Variants in N4BP2L2 observed in about 807,000 individuals in gnomAD.
N4BP2L2 encodes the protein NEDD4-binding protein 2-like 2.
Under a neutral mutation model 56.2 loss-of-function variants are expected in N4BP2L2, and 50 were observed. The observed-to-expected ratio is 0.89, with a 90% confidence interval of 0.71 to 1.13. The LOEUF is 1.13. N4BP2L2 is among the 50% of genes most tolerant of loss of function. The probability of loss-of-function intolerance (pLI) is 0.00; values close to 1 mark genes in which losing one functional copy is unlikely to be tolerated. For missense variants in N4BP2L2, 689 were observed against 693.8 expected, an observed-to-expected ratio of 0.99 and a Z score of 0.08; for synonymous variants, 203 against 223.6, an observed-to-expected ratio of 0.91 and a Z score of 0.82.
intron 5 of N4BP2L2, among the ~76,000 whole-genome samples, chr13:32,520,235 C>G (rs947020981): frequency 3.3e-5 from 5 of 151,616 alleles, no homozygotes; most frequent in Admixed American, 1.3e-4. Flanking sequence ...TGTGAATATA[C>G]AGAAAAACAC....
At chr13:32,507,698 C>T (rs1464277622), downstream of N4BP2L2, 1 of 152,002 alleles carries the variant, frequency 6.6e-6, no homozygotes, top group Non-Finnish European at 1.5e-5. Context: ...TCAAAGAGGC[C>T]AGTATAGATG....
chr13:32,512,382 G>A (rs558933108), exon 6 of N4BP2L2: 2 of 152,270 alleles, frequency 1.3e-5, no homozygotes, highest in South Asian at 4.1e-4. Flanking sequence ...GGATCAGACT[G>A]TGCCTGTGTC....
At chr13:32,477,608 T>A (rs1309778125) in intron 6 of N4BP2L2, 2 of 310,550 alleles carry the variant, frequency 6.4e-6, no homozygotes, top group Middle Eastern at 2.4e-3. Flanking sequence ...CAACGCCTAA[T>A]CTGGATGGAG....
exon 6 of N4BP2L2, chr13:32,515,998 A>G (rs2049131040): frequency 6.6e-6 from 1 of 152,318 alleles, no homozygotes; most frequent in Non-Finnish European, 1.5e-5. Flanking sequence ...TCGGCCTCCC[A>G]AAGTGCTGGG....
At chr13:32,505,540 T>C (rs1354415262), downstream of N4BP2L2, 1 of 152,252 alleles carries the variant, frequency 6.6e-6, no homozygotes, top group Non-Finnish European at 1.5e-5. Context: ...TCTTGCATCT[T>C]ACTTTAAGCA....
chr13:32,468,430 A>C (rs1405114019), intron 6 of N4BP2L2, among the ~76,000 whole-genome samples: 1 of 152,252 alleles, frequency 6.6e-6, no homozygotes, highest in Non-Finnish European at 1.5e-5. Context: ...GCAGCCAAAG[A>C]GTTGATACTC....
chr13:32,434,258 T>TC (rs1342454024), intron 9 of N4BP2L2, among the ~76,000 whole-genome samples: 2 of 145,144 alleles, frequency 1.4e-5, no homozygotes, highest in Non-Finnish European at 3.0e-5. Flanking sequence ...CTTTTTTTCT[T>TC]TTTTTTTTTT....
At chr13:32,459,467 T>A (rs1292131999) in intron 6 of N4BP2L2, among the ~76,000 whole-genome samples, 1 of 151,162 alleles carries the variant, frequency 6.6e-6, no homozygotes, top group Admixed American at 6.6e-5. Context: ...CCACCAGAAA[T>A]ACAAAAGATC....
chr13:32,518,145 T>A, intron 5 of N4BP2L2, 142 bp from the exon 6 acceptor site: 1 of 774,682 alleles, frequency 1.3e-6, no homozygotes, highest in Non-Finnish European at 1.9e-6. Context: ...ACATTTTATG[T>A]AAAAAGACTT....
chr13:32,517,771 A>G (rs1364356269), exon 6 of N4BP2L2: 2 of 1,606,736 alleles, frequency 1.2e-6, no homozygotes, highest in African/African-American at 2.7e-5. Context: ...TTCAAGTGCA[A>G]CAACAAATGT....
At chr13:32,459,704 G>A (rs753395612) in intron 6 of N4BP2L2, among the ~76,000 whole-genome samples, 11 of 152,004 alleles carry the variant, frequency 7.2e-5, no homozygotes, top group African/African-American at 1.4e-4. Flanking sequence ...AACTTATAAC[G>A]AACATCCTAT....
intron 6 of N4BP2L2, among the ~76,000 whole-genome samples, chr13:32,467,682 C>T (rs925770135): frequency 2.6e-5 from 4 of 151,210 alleles, no homozygotes; most frequent in African/African-American, 4.9e-5. Context: ...TGTTTGAGGG[C>T]TATAGTAAAT....
At chr13:32,529,502 G>C (rs543816766) in intron 2 of N4BP2L2, among the ~76,000 whole-genome samples, 1 of 152,160 alleles carries the variant, frequency 6.6e-6, no homozygotes, top group African/African-American at 2.4e-5. Context: ...AGATAACCTA[G>C]AATATGAAAA....
At chr13:32,445,978 T>C (rs376149930) in intron 6 of N4BP2L2, among the ~76,000 whole-genome samples, 20 of 152,186 alleles carry the variant, frequency 1.3e-4, no homozygotes, top group African/African-American at 4.8e-4. Context: ...GGAAGGACAA[T>C]TGACACCGCT....
intron 6 of N4BP2L2, among the ~76,000 whole-genome samples, chr13:32,491,876 C>T (rs922840099): frequency 1.3e-5 from 2 of 152,024 alleles, no homozygotes; most frequent in Admixed American, 1.3e-4. Flanking sequence ...CTGATCTGCC[C>T]GCTTCGGCGT....
chr13:32,480,619 G>C (rs2084446071), intron 6 of N4BP2L2: 2 of 1,287,562 alleles, frequency 1.6e-6, no homozygotes, highest in South Asian at 1.2e-5. Context: ...GGAAACATTT[G>C]ATATTTCTTC....
intron 6 of N4BP2L2, among the ~76,000 whole-genome samples, chr13:32,448,694 G>A (rs1353853379): frequency 2.0e-5 from 3 of 152,114 alleles, no homozygotes; most frequent in African/African-American, 7.2e-5. Context: ...GGAAAGCATG[G>A]TAAGTGATAA....
At chr13:32,442,604 G>A (rs2076545108) in exon 7 of N4BP2L2, 1 of 1,613,708 alleles carries the variant, frequency 6.2e-7, no homozygotes, top group Admixed American at 1.7e-5. Flanking sequence ...GAAGTATCAG[G>A]ATGACTATGT....
intron 6 of N4BP2L2, among the ~76,000 whole-genome samples, chr13:32,494,032 G>T (rs2087840989): frequency 6.6e-6 from 1 of 152,150 alleles, no homozygotes; most frequent in African/African-American, 2.4e-5. Flanking sequence ...CAGCACTTTG[G>T]GAGGCTGAGG....
Sources: gnomAD v4.1 joint callset for allele counts (sites outside exome capture counted in the v4.1 genomes callset) on GRCh38, gnomAD v4.1.1 for gene constraint, MANE v1.5 for transcripts, NCBI Gene and HGNC (gene_info 2026-07-23, HGNC 2026-07-21) for gene names.